Variants in EIPR1 observed in about 807,000 individuals in gnomAD.
EIPR1 encodes the protein EARP and GARP complex-interacting protein 1.
A neutral mutation model predicts 48.1 loss-of-function variants in EIPR1; 25 were observed. The ratio of observed to expected loss-of-function variants is 0.52; its 90% CI spans 0.38 to 0.73. EIPR1 has a LOEUF of 0.73. Among genes scored for constraint, EIPR1 ranks in the 30% least tolerant of loss-of-function variants. The pLI, the probability that EIPR1 is intolerant of heterozygous loss-of-function variation, is 0.00. For missense variants in EIPR1, 415 were observed against 506.2 expected (o/e 0.82, Z 1.73); for synonymous variants, 204 against 201.9 (o/e 1.01, Z -0.09).
chr2:3,363,401 AGAG>A (rs1435532752), intron 1 of EIPR1, among the ~76,000 whole-genome samples: 1 of 152,228 alleles, frequency 6.6e-6, no homozygotes, highest in Non-Finnish European at 1.5e-5. Flanking sequence ...AAAACAGGGA[AGAG>A]AAGAAAAGCA....
chr2:3,243,195 C>T (rs1326380150), intron 4 of EIPR1, among the ~76,000 whole-genome samples: 6 of 152,172 alleles, frequency 3.9e-5, no homozygotes, highest in Non-Finnish European at 7.3e-5. Flanking sequence ...AAGGAAGATA[C>T]GGGCTGCACA....
intron 3 of EIPR1, among the ~76,000 whole-genome samples, chr2:3,293,671 G>A (rs1668439619): frequency 6.6e-6 from 1 of 152,196 alleles, no homozygotes; most frequent in Non-Finnish European, 1.5e-5. Context: ...GAAAGGAATG[G>A]TCCCGACAGC....
At chr2:3,372,337 C>T (rs56310680) in intron 1 of EIPR1, among the ~76,000 whole-genome samples, 23,101 of 149,048 alleles carry the variant, frequency 0.15, 1,907 homozygotes, top group Non-Finnish European at 0.2. Context: ...AAAGCAAGAG[C>T]AAACACATTC....
chr2:3,329,013 T>C lies in EIPR1; in HGVS notation c.259+9004A>G, dbSNP rs12990309. Among the ~76,000 whole-genome samples, 18 of 58,408 alleles carry C rather than the reference T, an allele frequency of 3.1e-4. 3 individuals carry two copies. Among genetic ancestry groups the C allele is most frequent in the African/African-American group, 3.7e-4 (4 of 10,770 alleles). 38.3% of individuals were successfully genotyped at this position (58,408 alleles called of 152,430 possible). A position where few individuals can be genotyped will look rare whatever the true frequency, so the allele number is the denominator to read the frequency against. ...CCACCACGTTCTAATGATCTCAGGG[T>C]GCCAGCCTGGGCTCCCTGAATCAGA... On this transcript the variant is annotated intron_variant, in intron 3 of 8. Transcript: ENST00000382125.
At chr2:3,194,699 G>C (rs1199546724) in intron 6 of EIPR1, among the ~76,000 whole-genome samples, 11 of 152,010 alleles carry the variant, frequency 7.2e-5, no homozygotes, top group African/African-American at 2.2e-4. Context: ...GAGAGAAAGG[G>C]GGGGGCAGTG....
At chr2:3,229,206 C>T (rs1214735710) in intron 4 of EIPR1, among the ~76,000 whole-genome samples, 1 of 152,214 alleles carries the variant, frequency 6.6e-6, no homozygotes, top group African/African-American at 2.4e-5. Context: ...TGGTGATCCA[C>T]ACATTTTGTT....
intron 3 of EIPR1, among the ~76,000 whole-genome samples, chr2:3,297,347 A>C (rs1668633066): frequency 1.3e-5 from 2 of 152,264 alleles, no homozygotes; most frequent in Admixed American, 6.5e-5. Context: ...CAGCATGCAG[A>C]GACAGCCATT....
chr2:3,305,779 T>G (rs1668924302), intron 3 of EIPR1, among the ~76,000 whole-genome samples: 1 of 152,246 alleles, frequency 6.6e-6, no homozygotes. Context: ...ACCCCTTTCA[T>G]TTATGTCTAT....
At chr2:3,274,411 A>G (rs770024462) in intron 3 of EIPR1, 1 of 1,550,614 alleles carries the variant, frequency 6.4e-7, no homozygotes, top group South Asian at 1.2e-5. Flanking sequence ...GACAGCACAC[A>G]ACAAAATGCT....
At chr2:3,308,082 G>A (rs1437483311) in intron 3 of EIPR1, among the ~76,000 whole-genome samples, 9 of 152,226 alleles carry the variant, frequency 5.9e-5, no homozygotes, top group African/African-American at 1.9e-4. Flanking sequence ...GCTGTCGGCC[G>A]TGTGTGGCCA....
At chr2:3,287,923 G>C (rs541410171) in intron 3 of EIPR1, among the ~76,000 whole-genome samples, 1 of 152,242 alleles carries the variant, frequency 6.6e-6, no homozygotes, top group East Asian at 1.9e-4. Context: ...AGGCGGTGGA[G>C]GGGCCAAGGT....
chr2:3,272,410 C>A (rs1164618671), intron 3 of EIPR1, among the ~76,000 whole-genome samples: 2 of 152,214 alleles, frequency 1.3e-5, no homozygotes, highest in Non-Finnish European at 2.9e-5. Flanking sequence ...TAAGCTTAAT[C>A]ATTTCTAGCT....
chr2:3,306,560 T>C (rs1200598904), intron 3 of EIPR1, among the ~76,000 whole-genome samples: 1 of 152,230 alleles, frequency 6.6e-6, no homozygotes, highest in Non-Finnish European at 1.5e-5. Context: ...TGTACTAACA[T>C]AAATAGTAGA....
At chr2:3,278,440 C>A (rs1397459542) in intron 3 of EIPR1, among the ~76,000 whole-genome samples, 4 of 152,172 alleles carry the variant, frequency 2.6e-5, no homozygotes, top group East Asian at 3.9e-4. Flanking sequence ...GAGAGAGTAC[C>A]CTCCCTCCGT....
chr2:3,267,234 C>T (rs898484504), intron 3 of EIPR1, among the ~76,000 whole-genome samples: 1 of 152,224 alleles, frequency 6.6e-6, no homozygotes, highest in African/African-American at 2.4e-5. Context: ...ACAGAGCACT[C>T]ACTCCATGGC....
intron 3 of EIPR1, among the ~76,000 whole-genome samples, chr2:3,272,993 T>C (rs1667743296): frequency 6.6e-6 from 1 of 152,232 alleles, no homozygotes; most frequent in Non-Finnish European, 1.5e-5. Flanking sequence ...GAACACAGTT[T>C]AGACTGTGCT....
chr2:3,278,570 T>C (rs1667927878), intron 3 of EIPR1, among the ~76,000 whole-genome samples: 1 of 152,124 alleles, frequency 6.6e-6, no homozygotes, highest in African/African-American at 2.4e-5. Flanking sequence ...ACCCTCTTCC[T>C]TCCTCACGAC....
intron 3 of EIPR1, among the ~76,000 whole-genome samples, chr2:3,303,589 T>C (rs918360386): frequency 6.6e-6 from 1 of 152,192 alleles, no homozygotes; most frequent in Non-Finnish European, 1.5e-5. Flanking sequence ...GGAAAATAGA[T>C]TTCTTATTTT....
At chr2:3,329,048 C>G (rs113675857) in intron 3 of EIPR1, among the ~76,000 whole-genome samples, 6 of 112,968 alleles carry the variant, frequency 5.3e-5, no homozygotes, top group Admixed American at 4.0e-4. Flanking sequence ...AGCCCACCCA[C>G]CACGCTCTAA....
Sources: gnomAD v4.1 joint callset for allele counts (sites outside exome capture counted in the v4.1 genomes callset) on GRCh38, gnomAD v4.1.1 for gene constraint, MANE v1.5 for transcripts, NCBI Gene and HGNC (gene_info 2026-07-23, HGNC 2026-07-21) for gene names.